The following SOX5 variants were observed in gnomAD, a reference collection of about 807,000 sequenced individuals.
SOX5 encodes SRY-box transcription factor 5.
Under a neutral mutation model 92.0 loss-of-function variants are expected in SOX5, and 9 were observed. The ratio of observed to expected loss-of-function variants is 0.10; its 90% CI spans 0.06 to 0.17. The LOEUF (loss-of-function observed/expected upper bound fraction) is 0.17. Among genes scored for constraint, SOX5 ranks in the 10% least tolerant of loss-of-function variants. The pLI is 1.00. For synonymous variants in SOX5, 344 were observed against 336.3 expected (o/e 1.02, Z -0.25); for missense variants, 642 against 944.5 (o/e 0.68, Z 4.20).
At chr12:24,391,839 G>A (rs1034593587) in intron 1 of SOX5, among the ~76,000 whole-genome samples, 7 of 152,088 alleles carry the variant, frequency 4.6e-5, no homozygotes, top group Non-Finnish European at 8.8e-5. Flanking sequence ...AAATATAAAC[G>A]TTTCCTTCAT....
chr12:23,984,099 C>T (rs1008911224), intron 4 of SOX5, among the ~76,000 whole-genome samples: 11 of 152,090 alleles, frequency 7.2e-5, no homozygotes, highest in African/African-American at 1.7e-4. Flanking sequence ...CTGTATTTTA[C>T]GTATTCCCTG....
chr12:23,772,972 T>G (rs2094981001), intron 3 of SOX5, among the ~76,000 whole-genome samples: 1 of 152,174 alleles, frequency 6.6e-6, no homozygotes, highest in South Asian at 2.1e-4. Context: ...ATTTCCTTAC[T>G]AATAATATCA....
At chr12:24,179,237 A>G (rs2139250639) in intron 4 of SOX5, among the ~76,000 whole-genome samples, 1 of 152,328 alleles carries the variant, frequency 6.6e-6, no homozygotes, top group African/African-American at 2.4e-5. Flanking sequence ...AAGGAGAAGA[A>G]TCAATTTTTG....
At chr12:24,505,266 A>C (rs940872454) in intron 1 of SOX5, among the ~76,000 whole-genome samples, 3 of 152,238 alleles carry the variant, frequency 2.0e-5, no homozygotes, top group African/African-American at 7.2e-5. Context: ...AAAGCTTATA[A>C]TGTGGAAAAC....
At chr12:23,975,072 A>G (rs2140185944) in intron 4 of SOX5, among the ~76,000 whole-genome samples, 1 of 152,276 alleles carries the variant, frequency 6.6e-6, no homozygotes, top group Non-Finnish European at 1.5e-5. Context: ...AGTTACAAAA[A>G]TAATTTACAG....
At chr12:23,619,925 T>C (rs1229291623) in intron 8 of SOX5, among the ~76,000 whole-genome samples, 3 of 152,164 alleles carry the variant, frequency 2.0e-5, no homozygotes, top group Non-Finnish European at 4.4e-5. Context: ...AGTTTCATTC[T>C]AGGTCTTTAG....
intron 2 of SOX5, among the ~76,000 whole-genome samples, chr12:23,863,793 TACACAC>T (rs71059936): frequency 0.012 from 1,819 of 145,720 alleles, 21 homozygotes; most frequent in African/African-American, 0.025. Context: ...TTAAACACAC[TACACAC>T]ACACACACAC....
Position 24,158,189 on chromosome 12 carries a change from C to G in SOX5, c.-2+55154G>C, listed in dbSNP as rs74068411. ...ATACTAGCATTCCCATAAAAGGGGG[C>G]AAGGCAGTAGAAAAGGCGGCATATC... On this transcript the variant is annotated intron_variant, in intron 4 of 4. Transcript: ENST00000446891. Among the ~76,000 whole-genome samples the G allele has an allele frequency of 1.4e-3, 213 of 152,022 alleles. 1 individual carries two copies. The highest frequency in any genetic ancestry group is 4.6e-3 in the African/African-American group (192 of 41,510).
At chr12:23,964,539 T>A (rs1437030705) in intron 4 of SOX5, among the ~76,000 whole-genome samples, 1 of 152,210 alleles carries the variant, frequency 6.6e-6, no homozygotes, top group East Asian at 1.9e-4. Context: ...GCCAACTTTG[T>A]AAGGGAGTTA....
intron 3 of SOX5, among the ~76,000 whole-genome samples, chr12:23,815,204 G>A (rs1382094446): frequency 6.6e-6 from 1 of 152,052 alleles, no homozygotes; most frequent in Non-Finnish European, 1.5e-5. Flanking sequence ...TCTAGCTAGG[G>A]GTGGGGGCCA....
At chr12:24,470,968 C>T (rs11047465) in intron 1 of SOX5, among the ~76,000 whole-genome samples, 28,581 of 152,036 alleles carry the variant, frequency 0.19, 2,818 homozygotes, top group Middle Eastern at 0.25. Context: ...TAGATTTTAA[C>T]TTTAACTTTC....
At chr12:23,558,498 GAA>G (rs1945622343) in intron 11 of SOX5, among the ~76,000 whole-genome samples, 1 of 152,200 alleles carries the variant, frequency 6.6e-6, no homozygotes, top group Admixed American at 6.5e-5. Context: ...GACCCAAAGG[GAA>G]AAGACAAGAG....
chr12:23,734,896 T>C (rs1485823028), intron 5 of SOX5, 144 bp from the exon 6 acceptor site: 1 of 609,446 alleles, frequency 1.6e-6, no homozygotes, highest in African/African-American at 1.8e-5. Flanking sequence ...TTATCAGCAA[T>C]TCATCCTAAA....
At chr12:24,535,573 G>A (rs1951568678) in intron 1 of SOX5, among the ~76,000 whole-genome samples, 2 of 152,136 alleles carry the variant, frequency 1.3e-5, no homozygotes, top group Non-Finnish European at 1.5e-5. Context: ...ATTTTGTGAT[G>A]AGGAATTAAG....
intron 1 of SOX5, among the ~76,000 whole-genome samples, chr12:24,533,860 A>G (rs1292175923): frequency 6.6e-6 from 1 of 152,196 alleles, no homozygotes; most frequent in Non-Finnish European, 1.5e-5. Flanking sequence ...CAGAATGCAA[A>G]TGGTTCTGAC....
At chr12:23,907,542 A>G (rs1170830512) in intron 1 of SOX5, among the ~76,000 whole-genome samples, 1 of 152,192 alleles carries the variant, frequency 6.6e-6, no homozygotes, top group Non-Finnish European at 1.5e-5. Context: ...TACTACTACA[A>G]TTAGTATTAC....
chr12:24,556,756 AG>A (rs1357817005), intron 1 of SOX5, among the ~76,000 whole-genome samples: 1 of 152,230 alleles, frequency 6.6e-6, no homozygotes, highest in Non-Finnish European at 1.5e-5. Flanking sequence ...AATAAAAGAT[AG>A]AATTCACACT....
chr12:23,539,890 G>A (rs1941547699), intron 13 of SOX5, among the ~76,000 whole-genome samples: 1 of 152,066 alleles, frequency 6.6e-6, no homozygotes, highest in South Asian at 2.1e-4. Context: ...TTTTATGACA[G>A]TACAGGGCAG....
upstream of SOX5, chr12:24,562,516 C>G (rs573162263): frequency 6.5e-6 from 1 of 153,532 alleles, no homozygotes; most frequent in South Asian, 2.1e-4. Flanking sequence ...GTGTCCCTCT[C>G]TCTCCCCCCG....
Sources: allele counts gnomAD v4.1 joint callset (sites outside exome capture counted in the v4.1 genomes callset), GRCh38; gene constraint gnomAD v4.1.1; transcripts MANE v1.5; gene names NCBI Gene and HGNC (gene_info 2026-07-23, HGNC 2026-07-21).